SMAD3: variants seen among roughly 807,000 people sequenced by gnomAD.
SMAD3 encodes the protein SMAD family member 3.
In SMAD3, 12 loss-of-function variants were observed where a neutral mutation model predicts 51.8. That is an observed-to-expected ratio of 0.23 (90% CI 0.15 to 0.38). SMAD3 has a LOEUF of 0.38. SMAD3 is among the 10% of genes least tolerant of loss of function. The probability of loss-of-function intolerance (pLI) is 1.00; values close to 1 mark genes in which losing one functional copy is unlikely to be tolerated. For synonymous variants in SMAD3, 238 were observed against 227.7 expected, an observed-to-expected ratio of 1.05 and a Z score of -0.41; for missense variants, 294 against 565.6, an observed-to-expected ratio of 0.52 and a Z score of 4.87.
intron 1 of SMAD3, among the ~76,000 whole-genome samples, chr15:67,117,417 A>C (rs1961159456): frequency 6.6e-6 from 1 of 151,880 alleles, no homozygotes; most frequent in Non-Finnish European, 1.5e-5. Flanking sequence ...TGAAAGTCCA[A>C]CTCCTTCATT....
intron 1 of SMAD3, among the ~76,000 whole-genome samples, chr15:67,075,637 G>A (rs1031600956): frequency 3.3e-5 from 5 of 152,162 alleles, no homozygotes; most frequent in African/African-American, 9.7e-5. Context: ...CCAAGTGGCC[G>A]GGCACGGTGG....
chr15:67,072,155 G>T (rs1215654289), intron 1 of SMAD3, among the ~76,000 whole-genome samples: 1 of 152,108 alleles, frequency 6.6e-6, no homozygotes, highest in African/African-American at 2.4e-5. Context: ...ATAAATATTG[G>T]TTTAATAATG....
At chr15:67,126,756 G>C (rs1405397354) in intron 1 of SMAD3, among the ~76,000 whole-genome samples, 1 of 152,200 alleles carries the variant, frequency 6.6e-6, no homozygotes, top group African/African-American at 2.4e-5. Flanking sequence ...CCTCAGCTCT[G>C]TGGTTAGCTG....
intron 6 of SMAD3, among the ~76,000 whole-genome samples, chr15:67,182,643 G>T (rs977315362): frequency 1.3e-5 from 2 of 152,014 alleles, no homozygotes; most frequent in Non-Finnish European, 2.9e-5. Flanking sequence ...GGAGGCCATG[G>T]GCCTAGGTCT....
intron 1 of SMAD3, among the ~76,000 whole-genome samples, chr15:67,162,946 G>GTGATGATGATGATGA: frequency 6.9e-6 from 1 of 145,348 alleles, no homozygotes; most frequent in East Asian, 2.0e-4. Context: ...GTAGGTTTCT[G>GTGATGATGATGATGA]TGATGATGAT....
At chr15:67,170,697 C>G (rs1348191861) in intron 5 of SMAD3, 93 bp downstream of exon 5, 3 of 1,082,852 alleles carry the variant, frequency 2.8e-6, no homozygotes. Context: ...AGGTAAGGCT[C>G]TCCCCCGACC....
intron 1 of SMAD3, among the ~76,000 whole-genome samples, chr15:67,158,609 C>A (rs1335865218): frequency 6.6e-6 from 1 of 152,264 alleles, no homozygotes; most frequent in Admixed American, 6.5e-5. Context: ...GGCCCTGATA[C>A]AGACTGCTGT....
intron 1 of SMAD3, among the ~76,000 whole-genome samples, chr15:67,099,437 C>T (rs527247857): frequency 3.9e-5 from 6 of 152,332 alleles, no homozygotes; most frequent in Non-Finnish European, 7.3e-5. Context: ...AATTACACCA[C>T]CTCCCCAAGG....
chr15:67,188,920 G>T (rs954105897), intron 8 of SMAD3, among the ~76,000 whole-genome samples: 8 of 152,326 alleles, frequency 5.3e-5, no homozygotes, highest in African/African-American at 1.9e-4. Context: ...CTGCCCCAGG[G>T]TGTCAGGGAA....
intron 1 of SMAD3, among the ~76,000 whole-genome samples, chr15:67,072,516 A>G (rs890836186): frequency 2.0e-5 from 3 of 152,252 alleles, no homozygotes; most frequent in Non-Finnish European, 2.9e-5. Context: ...CTCCTTTGCC[A>G]TATTGACTGA....
At chr15:67,100,746 C>T (rs1057413502) in intron 1 of SMAD3, among the ~76,000 whole-genome samples, 14 of 152,186 alleles carry the variant, frequency 9.2e-5, no homozygotes, top group South Asian at 2.1e-4. Context: ...GGGACATTTA[C>T]GTGTACACTG....
At position 67,193,685 on chromosome 15, in the gene SMAD3, C is replaced by CT. The variant is rs1963425591; in HGVS notation, c.*3150dup. The CT allele has an allele frequency of 4.3e-6, 1 of 232,572 alleles. No homozygotes were observed. Among genetic ancestry groups the CT allele is most frequent in the African/African-American group, 2.2e-5 (1 of 45,112 alleles). The allele number at this position is 232,572 out of a possible 1,614,324, so 14.4% of individuals were successfully genotyped here. ...GACGTCTCCATTGTCCTTATGTTGT[C>CT]TGTGTTGTATTTTTTTTTTTTTATT... On this transcript the variant is annotated 3_prime_UTR_variant, in exon 9 of 9. Coordinates refer to ENST00000327367, the MANE Select transcript of SMAD3 (RefSeq NM_005902.4).
intron 1 of SMAD3, among the ~76,000 whole-genome samples, chr15:67,088,861 AG>A (rs1376747189): frequency 2.6e-5 from 4 of 152,244 alleles, no homozygotes; most frequent in Admixed American, 2.6e-4. Context: ...CAGGAGGCAG[AG>A]GTTGCAGTGA....
At position 67,106,679 on chromosome 15, in the gene SMAD3, GA is replaced by G. The variant is rs546366640; in HGVS notation, c.206+40320del. Among the ~76,000 whole-genome samples, 288 of 152,232 alleles carry G rather than the reference GA, an allele frequency of 1.9e-3. 1 individual carries two copies. The highest frequency in any genetic ancestry group is 3.4e-3 in the Middle Eastern group (1 of 294). On this transcript the variant is annotated intron_variant, in intron 1 of 8. Transcript: ENST00000327367. The stretch of plus-strand genomic sequence containing the variant: ...TTACAGGCGTACATCATATGTGGAG[GA>G]CACTTATGCTGTGATGGCCCCACAC...
intron 1 of SMAD3, among the ~76,000 whole-genome samples, chr15:67,147,094 C>T (rs1037743158): frequency 1.3e-5 from 2 of 152,192 alleles, no homozygotes; most frequent in South Asian, 2.1e-4. Context: ...TCTTGTTTAA[C>T]GTTCCCCTCC....
At chr15:67,182,896 T>C (rs1250777441) in intron 6 of SMAD3, among the ~76,000 whole-genome samples, 4 of 149,838 alleles carry the variant, frequency 2.7e-5, no homozygotes, top group Admixed American at 2.7e-4. Flanking sequence ...TCGCAAACTC[T>C]TGGGCTCAAG....
chr15:67,081,560 T>C (rs1033990927), intron 1 of SMAD3, among the ~76,000 whole-genome samples: 2 of 152,178 alleles, frequency 1.3e-5, no homozygotes, highest in African/African-American at 4.8e-5. Context: ...GGCTTATTAC[T>C]TCCACTAAGA....
Position 67,192,427 on chromosome 15 carries a change from GAGTCTGA to G in SMAD3, c.*1895_*1901del. On this transcript the variant is annotated 3_prime_UTR_variant, in exon 9 of 9. Transcript: ENST00000327367. ...TTCCTCTGAGAGGGCCAAATGCTGTGAGTCTGAAGTATGTGCCTGGTGTGAAATGATC... is the reference window on the plus strand; with the variant it reads ...TTCCTCTGAGAGGGCCAAATGCTGTGAGTATGTGCCTGGTGTGAAATGATC... 1 of 233,434 alleles carries G rather than the reference GAGTCTGA, an allele frequency of 4.3e-6. No individual in the cohort carries two copies. The highest frequency in any genetic ancestry group is 5.6e-5 in the Admixed American group (1 of 17,798). The allele number at this position is 233,434 out of a possible 1,614,324, so 14.5% of individuals were successfully genotyped here.
At chr15:67,103,523 G>C (rs1196736154) in intron 1 of SMAD3, among the ~76,000 whole-genome samples, 1 of 152,216 alleles carries the variant, frequency 6.6e-6, no homozygotes, top group Non-Finnish European at 1.5e-5. Flanking sequence ...AGGGCTTCTG[G>C]GGTAGGCGCT....
Sources: gnomAD v4.1 joint callset for allele counts (sites outside exome capture counted in the v4.1 genomes callset) on GRCh38, gnomAD v4.1.1 for gene constraint, MANE v1.5 for transcripts, NCBI Gene and HGNC (gene_info 2026-07-23, HGNC 2026-07-21) for gene names.